The following NOS3 variants were observed in gnomAD, a reference collection of about 807,000 sequenced individuals.
NOS3 encodes NOS type III.
NOS3 carries 98 observed loss-of-function variants against 144.9 expected under a neutral mutation model. That is an observed-to-expected ratio of 0.68 (90% CI 0.57 to 0.80). The LOEUF (loss-of-function observed/expected upper bound fraction) is 0.80, where lower values mean the gene tolerates loss of function less well. Among genes scored for constraint, NOS3 ranks in the 30% least tolerant of loss-of-function variants. The pLI is 0.00. For missense variants in NOS3, 1,465 were observed against 1,656.4 expected (o/e 0.88, Z 2.01); for synonymous variants, 714 against 702.4 (o/e 1.02, Z -0.26).
Position 151,010,970 on chromosome 7 carries a change from C to T in NOS3, c.2968C>T (p.Pro990Ser), listed in dbSNP as rs780575923. 1 of 1,613,274 alleles carries T rather than the reference C, an allele frequency of 6.2e-7. No individual in the cohort carries two copies. Among genetic ancestry groups the T allele is most frequent in the Non-Finnish European group, 8.5e-7 (1 of 1,179,472 alleles). ...LSQLKPGDPV[P>S]CFIRGAPSFR... ...CCAGCTCAAGCCCGGAGACCCTGTG[C>T]CCTGCTTCATCCGGGGGTAAGTGAG... Residue 990 changes from proline (P) to serine (S), a missense_variant, in exon 23 of 27, where the codon CCC (proline) becomes TCC (serine). By Grantham distance (74) the Pro-to-Ser change is moderately conservative. Around this residue, in one of 5 missense-constraint regions of NOS3, gnomAD observed 106 missense variants for 167.7 expected, o/e 0.63. Coordinates refer to ENST00000297494, the MANE Select transcript of NOS3 (RefSeq NM_000603.5).
At position 151,002,030 on chromosome 7, in the gene NOS3, G is replaced by C; in HGVS notation, c.1647+65G>C. 1 of 1,579,110 alleles carries C rather than the reference G, an allele frequency of 6.3e-7. No homozygotes were observed. The highest frequency in any genetic ancestry group is 8.7e-7 in the Non-Finnish European group (1 of 1,153,612). ...GGGCTCTATCAGCATCTTCAGGGGTGCCCTGGAGGACAGGAAGTGTTACAA... is the reference window on the plus strand; with the variant it reads ...GGGCTCTATCAGCATCTTCAGGGGTCCCCTGGAGGACAGGAAGTGTTACAA... On this transcript the variant is annotated intron_variant, in intron 13 of 26. Coordinates refer to ENST00000297494, the MANE Select transcript of NOS3 (RefSeq NM_000603.5). The surrounding 1 kb of genome is among the most constrained non-coding windows in gnomAD (Gnocchi z 4.1).
chr7:151,013,286 C>G lies in NOS3; in HGVS notation c.3162C>G (p.Asp1054Glu). Residue 1054 changes from aspartate to glutamate, a missense_variant, in exon 25 of 27, where the codon GAC (aspartate) becomes GAG (glutamate). Transcript: ENST00000297494. The stretch of plus-strand genomic sequence containing the variant: ...TCGGCTGCCGATGCTCCCAACTTGA[C>G]CATCTCTACCGCGACGAGGTGCAGA... ...LVFGCRCSQL[D>E]HLYRDEVQNA... The G allele has an allele frequency of 6.2e-7, 1 of 1,614,126 alleles. No homozygotes were observed. Among genetic ancestry groups the G allele is most frequent in the Non-Finnish European group, 8.5e-7 (1 of 1,180,020 alleles).
chr7:151,001,482 C>T (rs1054403318), intron 11 of NOS3, 57 bp downstream of exon 11: 6 of 1,605,470 alleles, frequency 3.7e-6, no homozygotes, highest in Admixed American at 1.7e-5. Context: ...TAAGCAGCCC[C>T]TGGGGACCTC....
intron 9 of NOS3, 29 bp downstream of exon 9, chr7:150,999,393 G>A (rs755644434): frequency 2.0e-5 from 30 of 1,535,296 alleles, no homozygotes; most frequent in Admixed American, 6.1e-5. Flanking sequence ...CTCGGGCACC[G>A]AATGCACCTG....
intron 17 of NOS3, chr7:151,008,725 T>C: frequency 1.8e-6 from 1 of 569,146 alleles, no homozygotes; most frequent in Non-Finnish European, 3.0e-6. Flanking sequence ...AATCAGGACG[T>C]GCAGAGAAAG....
At chr7:151,008,800 C>G (rs2117130771) in intron 17 of NOS3, 130 bp from the exon 18 acceptor site, 1 of 1,093,772 alleles carries the variant, frequency 9.1e-7, no homozygotes, top group Non-Finnish European at 1.3e-6. Flanking sequence ...AGGTGCTGTC[C>G]TTGGCGCCGG....
intron 2 of NOS3, among the ~76,000 whole-genome samples, chr7:150,994,829 A>T (rs984957773): frequency 1.3e-5 from 2 of 152,162 alleles, no homozygotes; most frequent in Non-Finnish European, 2.9e-5. Flanking sequence ...ATCAGAGCTG[A>T]GGAATCCCTG....
intron 2 of NOS3, 95 bp downstream of exon 2, chr7:150,994,056 G>C (rs577673104): frequency 6.0e-6 from 8 of 1,340,986 alleles, no homozygotes; most frequent in South Asian, 2.6e-5. Context: ...TAGCTGAGTC[G>C]GGAGGGCCAG....
rs572964068 is a variant in NOS3 at position 151,002,800 on chromosome 7, C to A, written c.1752+496C>A. 23 of 162,336 alleles carry A rather than the reference C, an allele frequency of 1.4e-4. No homozygotes were observed. In the South Asian group the frequency reaches 1.9e-3, roughly 14 times the overall value. 10.1% of individuals were successfully genotyped at this position (162,336 alleles called of 1,614,324 possible). ...CATTTACAACATGTGCAACACTATT[C>A]CAGCATTTTATTTTATTTGTTTTAT... On this transcript the variant is annotated intron_variant, in intron 14 of 26. Transcript: ENST00000297494. The surrounding 1 kb of genome is among the most constrained non-coding windows in gnomAD (Gnocchi z 4.1).
At chr7:151,006,757 C>T in intron 15 of NOS3, 132 bp from the exon 16 acceptor site, 2 of 784,358 alleles carry the variant, frequency 2.5e-6, no homozygotes, top group Non-Finnish European at 2.1e-6. Context: ...TGCTGGCCCT[C>T]AGCCCCTCCC....
At chr7:151,011,994 G>A (rs758749889) in intron 23 of NOS3, 3 of 297,594 alleles carry the variant, frequency 1.0e-5, no homozygotes, top group South Asian at 2.8e-5. Flanking sequence ...CAAATAAACC[G>A]TACCCATCTA....
At chr7:151,013,697 G>C in intron 25 of NOS3, 27 bp from the exon 26 acceptor site, 2 of 1,535,474 alleles carry the variant, frequency 1.3e-6, no homozygotes, top group Non-Finnish European at 1.8e-6. Context: ...CCCCACCAGG[G>C]CCCGCCCTAA....
rs767108240 is a variant in NOS3 at position 151,000,529 on chromosome 7, G to A, written c.1163G>A (p.Arg388Gln). 10 of 1,613,404 alleles carry A rather than the reference G, an allele frequency of 6.2e-6. No individual in the cohort carries two copies. Among genetic ancestry groups the A allele is most frequent in the Middle Eastern group, 1.7e-4 (1 of 6,060 alleles). Residue 388 changes from arginine to glutamine, a missense_variant, in exon 10 of 27, where the codon CGG becomes CAG. Transcript: ENST00000297494. The stretch of plus-strand genomic sequence containing the variant: ...GCTGTCTGCATGGACCTGGATACCC[G>A]GACCACCTCGTCCCTGTGGAAAGAC... ...DVAVCMDLDT[R>Q]TTSSLWKDKA...
chr7:150,999,162 T>G, intron 8 of NOS3, 28 bp from the exon 9 acceptor site: 1 of 1,609,762 alleles, frequency 6.2e-7, no homozygotes, highest in Non-Finnish European at 8.5e-7. Context: ...TGCAAGGGGG[T>G]GCTGATCCCA....
At position 151,014,001 on chromosome 7, in the gene NOS3, C is replaced by G. The variant is rs771308563; in HGVS notation, c.3451-7C>G. The G allele has an allele frequency of 6.8e-6, 11 of 1,611,502 alleles. No individual in the cohort carries two copies. Among genetic ancestry groups the G allele is most frequent in the Non-Finnish European group, 8.5e-6 (10 of 1,178,354 alleles). ...GGGTTCTGATCCACTGTGCTCTTTT[C>G]CGACAGGATCAGCAACGCTACCACG... is the stretch of plus-strand genomic sequence containing the variant. On this transcript the variant is annotated splice_polypyrimidine_tract_variant and splice_region_variant and intron_variant, in intron 26 of 26. Coordinates refer to ENST00000297494, the MANE Select transcript of NOS3 (RefSeq NM_000603.5).
At position 150,995,209 on chromosome 7, in the gene NOS3, G is replaced by C; in HGVS notation, c.165G>C (p.Pro55=). The C allele has an allele frequency of 6.2e-7, 1 of 1,600,042 alleles. No homozygotes were observed. The highest frequency in any genetic ancestry group is 8.6e-7 in the Non-Finnish European group (1 of 1,169,296). Reference sequence around the variant, plus strand: ...TATCCCTGGCTCCCAACAGCCCCCCGAGCTCCCCGCTAACCCAGCCCCCAG... The same window carrying C: ...TATCCCTGGCTCCCAACAGCCCCCCCAGCTCCCCGCTAACCCAGCCCCCAG... ...LLPPAPEHSP[P]SSPLTQPPEG... Residue 55 remains proline, a synonymous_variant, in exon 3 of 27, where the codon CCG becomes CCC. Coordinates refer to ENST00000297494, the MANE Select transcript of NOS3 (RefSeq NM_000603.5).
intron 9 of NOS3, among the ~76,000 whole-genome samples, chr7:151,000,046 T>G (rs1170109213): frequency 7.7e-6 from 1 of 130,598 alleles, no homozygotes; most frequent in Non-Finnish European, 1.6e-5. Flanking sequence ...TGAGTGTGGA[T>G]GTGTGTAGGC....
chr7:151,009,970 C>A, intron 20 of NOS3, 145 bp from the exon 21 acceptor site: 1 of 603,240 alleles, frequency 1.7e-6, no homozygotes, highest in East Asian at 2.8e-5. Flanking sequence ...CAGGGGCCCC[C>A]GAACAATACA....
At chr7:151,010,488 G>A in intron 21 of NOS3, 109 bp from the exon 22 acceptor site, 1 of 1,225,652 alleles carries the variant, frequency 8.2e-7, no homozygotes, top group East Asian at 2.6e-5. Flanking sequence ...CTATTGGCCT[G>A]AACTGAGCAG....
Sources: gnomAD v4.1 joint callset for allele counts (sites outside exome capture counted in the v4.1 genomes callset) on GRCh38, gnomAD v4.1.1 for gene constraint, gnomAD v4.1.1 regional missense constraint, Gnocchi (gnomAD v3.1) non-coding constraint, MANE v1.5 for transcripts, NCBI Gene and HGNC (gene_info 2026-07-23, HGNC 2026-07-21) for gene names.